The following PIWIL3 variants were observed in gnomAD, a reference collection of about 807,000 sequenced individuals.
The protein encoded by PIWIL3 is piwi-like protein 3.
PIWIL3 carries 101 observed loss-of-function variants against 109.7 expected under a neutral mutation model. The observed-to-expected ratio is 0.92, with a 90% CI of 0.78 to 1.09. The LOEUF (loss-of-function observed/expected upper bound fraction) is 1.09, where lower values mean the gene tolerates loss of function less well. Ranked by LOEUF, PIWIL3 falls within the 50% of genes least tolerant of loss-of-function variation. The probability of loss-of-function intolerance (pLI) is 0.00; values close to 1 mark genes in which losing one functional copy is unlikely to be tolerated. For missense variants in PIWIL3, 1,031 were observed against 1,072.6 expected, an observed-to-expected ratio of 0.96 and a Z score of 0.54; for synonymous variants, 373 against 376.4, an observed-to-expected ratio of 0.99 and a Z score of 0.10.
intron 16 of PIWIL3, among the ~76,000 whole-genome samples, chr22:24,727,274 G>T (rs1923053637): frequency 1.3e-5 from 2 of 152,186 alleles, no homozygotes; most frequent in African/African-American, 4.8e-5. Context: ...ATGCTATATG[G>T]CTCTGTTGAC....
At position 24,723,162 on chromosome 22, in the gene PIWIL3, T is replaced by A. The variant is rs1229556945; in HGVS notation, c.2325A>T (p.Thr775=). ...GSNFQNPPPG[T]VIDVELTRNE... The stretch of plus-strand genomic sequence containing the variant: ...TCCTAGTCAACTCTACATCAATAAC[T>A]GTTCCTGGAGGTGGATTTTGAAAAT... The change falls in exon 19 of 21, where the codon ACA becomes ACT. Residue 775 remains threonine, a synonymous_variant. Transcript: ENST00000616349. The A allele has an allele frequency of 1.2e-6, 2 of 1,613,012 alleles. No individual in the cohort carries two copies. The highest frequency in any genetic ancestry group is 2.2e-5 in the South Asian group (2 of 91,082).
intron 1 of PIWIL3, among the ~76,000 whole-genome samples, chr22:24,765,417 T>C (rs1925729412): frequency 6.6e-6 from 1 of 152,236 alleles, no homozygotes; most frequent in South Asian, 2.1e-4. Flanking sequence ...AGTCGTAGCT[T>C]TGGCAGTGTT....
chr22:24,762,089 A>C, intron 2 of PIWIL3: 2 of 937,112 alleles, frequency 2.1e-6, no homozygotes, highest in Non-Finnish European at 2.6e-6. Flanking sequence ...GAAGTTGCTC[A>C]TTTTGGGTCA....
At chr22:24,725,940 A>G (rs1922968971) in intron 16 of PIWIL3, among the ~76,000 whole-genome samples, 1 of 152,132 alleles carries the variant, frequency 6.6e-6, no homozygotes, top group African/African-American at 2.4e-5. Context: ...CAACTTCAAC[A>G]TATCTAGTAA....
At chr22:24,757,093 A>AG (rs1479284425) in intron 4 of PIWIL3, among the ~76,000 whole-genome samples, 1 of 150,608 alleles carries the variant, frequency 6.6e-6, no homozygotes, top group Non-Finnish European at 1.5e-5. Context: ...AAAAAAAAAA[A>AG]AAAAAAAAAG....
At chr22:24,727,846 T>G (rs918049904) in intron 16 of PIWIL3, 104 bp downstream of exon 16, 1 of 913,410 alleles carries the variant, frequency 1.1e-6, no homozygotes. Flanking sequence ...AACTCATCTG[T>G]CAAATTCCCA....
In PIWIL3 at chr22:24,725,532, C is replaced by G; in HGVS notation, c.2010-17G>C. 1 of 1,613,240 alleles carries G rather than the reference C, an allele frequency of 6.2e-7. No individual in the cohort carries two copies. Among genetic ancestry groups the G allele is most frequent in the Non-Finnish European group, 8.5e-7 (1 of 1,179,564 alleles). ...GAGTACCACCTGTTCACAGAAAAAC[C>G]ACCAGTTTGGAAAACAAGATTCTTA... On this transcript the variant is annotated splice_polypyrimidine_tract_variant and intron_variant, in intron 16 of 20. Coordinates refer to ENST00000616349, the MANE Select transcript of PIWIL3 (RefSeq NM_001255975.1).
intron 19 of PIWIL3, 67 bp from the exon 20 acceptor site, chr22:24,719,962 T>C: frequency 3.8e-6 from 5 of 1,325,282 alleles, no homozygotes; most frequent in African/African-American, 1.5e-5. Context: ...ACTTAATGTC[T>C]GAAATGAAAA....
chr22:24,745,567 C>A (rs1454427254), intron 12 of PIWIL3, among the ~76,000 whole-genome samples: 3 of 151,650 alleles, frequency 2.0e-5, no homozygotes, highest in African/African-American at 7.3e-5. Flanking sequence ...AACAAACAAA[C>A]AAACAAAAGC....
intron 14 of PIWIL3, among the ~76,000 whole-genome samples, chr22:24,729,103 T>C (rs990258155): frequency 1.3e-5 from 2 of 152,148 alleles, no homozygotes; most frequent in Non-Finnish European, 2.9e-5. Context: ...CCATGGGAAG[T>C]TGCATAAGGG....
At chr22:24,739,144 A>G (rs1923831809) in intron 12 of PIWIL3, among the ~76,000 whole-genome samples, 1 of 152,064 alleles carries the variant, frequency 6.6e-6, no homozygotes, top group South Asian at 2.1e-4. Context: ...CTGAGTTCAA[A>G]GGCAGGCTGT....
intron 12 of PIWIL3, among the ~76,000 whole-genome samples, chr22:24,740,277 A>G (rs1004949629): frequency 4.0e-5 from 6 of 149,448 alleles, no homozygotes; most frequent in African/African-American, 1.5e-4. Flanking sequence ...GGCTGGGCAC[A>G]ATGGCCCACT....
intron 16 of PIWIL3, among the ~76,000 whole-genome samples, chr22:24,727,409 T>G (rs1027129673): frequency 3.3e-5 from 5 of 152,246 alleles, no homozygotes; most frequent in Non-Finnish European, 7.3e-5. Context: ...GGGCTCAATG[T>G]GCTATGGCTG....
chr22:24,765,027 G>A (rs1358296703), intron 1 of PIWIL3, among the ~76,000 whole-genome samples: 2 of 152,190 alleles, frequency 1.3e-5, no homozygotes, highest in East Asian at 1.9e-4. Context: ...AGGGAGAGCT[G>A]AGCCAGTTGT....
At position 24,728,067 on chromosome 22, in the gene PIWIL3, T is replaced by G; in HGVS notation, c.1906-14A>C. The G allele has an allele frequency of 6.2e-7, 1 of 1,612,740 alleles. No homozygotes were observed. The highest frequency in any genetic ancestry group is 8.5e-7 in the Non-Finnish European group (1 of 1,179,040). On this transcript the variant is annotated splice_polypyrimidine_tract_variant and intron_variant, in intron 15 of 20. Transcript: ENST00000616349. ...TGTTCTTTGTACCTTAAGTTTGTTTTTGAAAAGGTAATGGAGTTAGAACGT... is the reference window on the plus strand; with the variant it reads ...TGTTCTTTGTACCTTAAGTTTGTTTGTGAAAAGGTAATGGAGTTAGAACGT...
intron 1 of PIWIL3, among the ~76,000 whole-genome samples, chr22:24,766,806 A>G (rs1027813729): frequency 6.6e-6 from 1 of 151,960 alleles, no homozygotes; most frequent in East Asian, 1.9e-4. Context: ...AGAAATCTGC[A>G]TGCGTTCTCA....
Position 24,719,813 on chromosome 22 carries a change from C to T in PIWIL3, c.2440G>A (p.Gly814Ser), listed in dbSNP as rs199855233. Residue 814 changes from glycine to serine, a missense_variant, in exon 20 of 21, where the codon GGC becomes AGC. Gly to Ser is a moderately conservative substitution (Grantham distance 56). Transcript: ENST00000616349. ...CGCTGTACTGTATCTGGGCTCAAGC[C>T]AATCGTGTCATAGATGACGTTATAA... ...THYNVIYDTIGLSPDTVQRLT... is the reference protein window; with the variant it reads ...THYNVIYDTISLSPDTVQRLT... 587 of 1,611,590 alleles carry T rather than the reference C, an allele frequency of 3.6e-4. No individual in the cohort carries two copies. The highest frequency in any genetic ancestry group is 4.7e-4 in the Non-Finnish European group (552 of 1,177,840).
chr22:24,748,900 G>A lies in PIWIL3; in HGVS notation c.1449+7C>T. 2 of 1,598,600 alleles carry A rather than the reference G, an allele frequency of 1.3e-6. No individual in the cohort carries two copies. Among genetic ancestry groups the A allele is most frequent in the Non-Finnish European group, 1.7e-6 (2 of 1,170,318 alleles). ...ACCATGACATGATGATTTTGAAACT[G>A]TCTTACCATTCTTCTGCCTTGCACG... On this transcript the variant is annotated splice_region_variant and intron_variant, in intron 12 of 20. Transcript: ENST00000616349.
At chr22:24,726,369 AC>A (rs1380827833) in intron 16 of PIWIL3, among the ~76,000 whole-genome samples, 1 of 146,946 alleles carries the variant, frequency 6.8e-6, no homozygotes, top group East Asian at 2.0e-4. Flanking sequence ...TGCAAGCTCC[AC>A]CTCCCGGGTT....
Sources: gnomAD v4.1 joint callset for allele counts (sites outside exome capture counted in the v4.1 genomes callset) on GRCh38, gnomAD v4.1.1 for gene constraint, MANE v1.5 for transcripts, NCBI Gene and HGNC (gene_info 2026-07-23, HGNC 2026-07-21) for gene names.